The following JMY variants were observed in gnomAD, a reference collection of about 807,000 sequenced individuals.
The protein encoded by JMY is junction-mediating and -regulatory protein.
In JMY, 46 loss-of-function variants were observed where a neutral mutation model predicts 103.3. The observed-to-expected ratio is 0.45, with a 90% confidence interval of 0.35 to 0.57. JMY has a LOEUF of 0.57. Ranked by LOEUF, JMY falls within the 20% of genes least tolerant of loss-of-function variation. The pLI, the probability that JMY is intolerant of heterozygous loss-of-function variation, is 0.00. For missense variants in JMY, 1,238 were observed against 1,255.2 expected, an observed-to-expected ratio of 0.99 and a Z score of 0.21; for synonymous variants, 526 against 489.3, an observed-to-expected ratio of 1.07 and a Z score of -0.99.
At position 79,236,979 on chromosome 5, in the gene JMY, G is replaced by C. The variant is rs1744530470; in HGVS notation, c.329G>C (p.Trp110Ser). 6.9e-7 allele frequency: 1 copy of C among 1,459,260 alleles called. No homozygotes were observed. The highest frequency in any genetic ancestry group is 1.4e-5 in the South Asian group (1 of 69,520). The allele number at this position is 1,459,260 out of a possible 1,614,324, so 90.4% of individuals were successfully genotyped here. Residue 110 changes from tryptophan to serine, a missense_variant, in exon 1 of 11, where the codon TGG becomes TCG. Transcript: ENST00000396137. The stretch of plus-strand genomic sequence containing the variant: ...CCCGGGCCCCGGCGGAGCTCGGCCT[G>C]GGCGGAGGGCGGCTCTCCTCGGAGC... ...RSPGPRRSSA[W>S]AEGGSPRSTR...
At chr5:79,274,880 T>C (rs1745893412) in intron 1 of JMY, among the ~76,000 whole-genome samples, 1 of 152,208 alleles carries the variant, frequency 6.6e-6, no homozygotes, top group South Asian at 2.1e-4. Context: ...GTTGATTGGA[T>C]TCAGATGTCA....
chr5:79,249,747 A>G (rs1278331326), intron 1 of JMY, among the ~76,000 whole-genome samples: 1 of 152,106 alleles, frequency 6.6e-6, no homozygotes, highest in African/African-American at 2.4e-5. Context: ...TTCCTTTTGT[A>G]TTAAATTTCA....
intron 1 of JMY, among the ~76,000 whole-genome samples, chr5:79,240,256 C>T (rs1744692791): frequency 1.3e-5 from 2 of 151,800 alleles, no homozygotes; most frequent in Admixed American, 6.6e-5. Flanking sequence ...CCTGGTGATC[C>T]GCCTGCCTCA....
chr5:79,257,030 T>G (rs1745265915), intron 1 of JMY, among the ~76,000 whole-genome samples: 1 of 151,838 alleles, frequency 6.6e-6, no homozygotes, highest in Admixed American at 6.6e-5. Flanking sequence ...TTTGGTTAAG[T>G]TCCACATTCC....
chr5:79,275,620 G>C (rs1745915968), intron 1 of JMY, among the ~76,000 whole-genome samples: 1 of 152,156 alleles, frequency 6.6e-6, no homozygotes, highest in Non-Finnish European at 1.5e-5. Context: ...TCACTCTGTA[G>C]TGCCTACAGG....
intron 1 of JMY, among the ~76,000 whole-genome samples, chr5:79,255,051 AT>A (rs1745198021): frequency 6.6e-6 from 1 of 150,406 alleles, no homozygotes; most frequent in Admixed American, 6.7e-5. Flanking sequence ...CCTCTGTGTT[AT>A]CTTGAAATTC....
intron 3 of JMY, 25 bp from the exon 4 acceptor site, chr5:79,291,105 T>C: frequency 6.7e-7 from 1 of 1,503,650 alleles, no homozygotes; most frequent in Non-Finnish European, 8.9e-7. Context: ...TTTGTCTTAA[T>C]TTCTCTTTAA....
chr5:79,245,886 A>G (rs1744885911), intron 1 of JMY, among the ~76,000 whole-genome samples: 2 of 152,054 alleles, frequency 1.3e-5, no homozygotes, highest in Non-Finnish European at 2.9e-5. Context: ...CAGCCTCCCA[A>G]AGTTCTGGGA....
chr5:79,289,389 C>T (rs1580357402), intron 2 of JMY, among the ~76,000 whole-genome samples: 1 of 150,732 alleles, frequency 6.6e-6, no homozygotes, highest in East Asian at 1.9e-4. Context: ...TTTAATTTAT[C>T]CTAATAAAGT....
chr5:79,278,170 T>TAA (rs56785564), intron 2 of JMY, 87 bp downstream of exon 2: 641 of 651,858 alleles, frequency 9.8e-4, no homozygotes, highest in South Asian at 3.6e-3. Context: ...AGAGGAACTT[T>TAA]AAAAAAAAAA....
chr5:79,264,568 A>C lies in JMY; in HGVS notation c.1033-13342A>C, dbSNP rs544347194. 2.6e-5 allele frequency among the ~76,000 whole-genome samples: 4 copies of C among 152,212 alleles called. No individual in the cohort carries two copies. The South Asian group carries it at 8.3e-4, about 32-fold the overall frequency. On this transcript the variant is annotated intron_variant, in intron 1 of 10. Transcript: ENST00000396137. ...TAAATCATGATTTTTAAAAGCAAAT[A>C]ATATTTCATCAGAATGAAAAGAGTT...
intron 1 of JMY, among the ~76,000 whole-genome samples, chr5:79,267,182 T>C (rs1745609523): frequency 6.6e-6 from 1 of 152,216 alleles, no homozygotes; most frequent in African/African-American, 2.4e-5. Flanking sequence ...TATTGAGTAA[T>C]CCATAGTTTA....
In JMY at chr5:79,325,076, T is replaced by C. The variant is rs1747590077; in HGVS notation, c.*3474T>C. 6.6e-6 allele frequency: 1 copy of C among 152,230 alleles called. No homozygotes were observed. Among genetic ancestry groups the C allele is most frequent in the Non-Finnish European group, 1.5e-5 (1 of 68,034 alleles). 9.4% of individuals were successfully genotyped at this position (152,230 alleles called of 1,614,324 possible). A position where few individuals can be genotyped will look rare whatever the true frequency, so the allele number is the denominator to read the frequency against. On this transcript the variant is annotated 3_prime_UTR_variant, in exon 11 of 11. Transcript: ENST00000396137. ...AAACAAAAACTAATGGGCAGCATTC[T>C]CTCTGTTTGGAATGGGATCAGTATA...
intron 4 of JMY, among the ~76,000 whole-genome samples, chr5:79,296,789 T>C (rs1746575536): frequency 6.6e-6 from 1 of 152,230 alleles, no homozygotes; most frequent in Non-Finnish European, 1.5e-5. Context: ...TCTAATGTCA[T>C]TGGAATTTTC....
In JMY at chr5:79,324,701, A is replaced by T. The variant is rs1747574986; in HGVS notation, c.*3099A>T. ...GATGAAGAATGGTTTTGCTTGTATT[A>T]TATAGGCTTACTGAGTTTGTGAGCA... On this transcript the variant is annotated 3_prime_UTR_variant, in exon 11 of 11. Transcript: ENST00000396137. 1 of 152,256 alleles carries T rather than the reference A, an allele frequency of 6.6e-6. No individual in the cohort carries two copies. The highest frequency in any genetic ancestry group is 1.5e-5 in the Non-Finnish European group (1 of 68,030). 9.4% of individuals were successfully genotyped at this position (152,256 alleles called of 1,614,324 possible).
intron 2 of JMY, among the ~76,000 whole-genome samples, chr5:79,278,793 C>CT (rs533961398): frequency 0.22 from 24,939 of 114,124 alleles, 3,175 homozygotes; most frequent in Non-Finnish European, 0.31. Context: ...GGGAACATTT[C>CT]TTTTTTTTTT....
chr5:79,255,762 C>A (rs554874667), intron 1 of JMY, among the ~76,000 whole-genome samples: 1 of 152,320 alleles, frequency 6.6e-6, no homozygotes, highest in South Asian at 2.1e-4. Context: ...TTGTTCTCTT[C>A]CCTTACTTTA....
intron 7 of JMY, among the ~76,000 whole-genome samples, chr5:79,310,881 C>G (rs766437094): frequency 6.6e-6 from 1 of 152,144 alleles, no homozygotes; most frequent in Non-Finnish European, 1.5e-5. Context: ...TGGCTCCTGT[C>G]TGTAATCCTA....
At chr5:79,285,628 T>G (rs1221683315) in intron 2 of JMY, among the ~76,000 whole-genome samples, 1 of 152,114 alleles carries the variant, frequency 6.6e-6, no homozygotes, top group African/African-American at 2.4e-5. Flanking sequence ...CTCAACAATA[T>G]TTGCTCTGAA....
Sources: allele counts gnomAD v4.1 joint callset (sites outside exome capture counted in the v4.1 genomes callset), GRCh38; gene constraint gnomAD v4.1.1; transcripts MANE v1.5; gene names NCBI Gene and HGNC (gene_info 2026-07-23, HGNC 2026-07-21).